Variants in FSTL4 observed in about 807,000 individuals in gnomAD.
FSTL4 encodes follistatin like 4.
Under a neutral mutation model 78.2 loss-of-function variants are expected in FSTL4, and 28 were observed. The ratio of observed to expected loss-of-function variants is 0.36; its 90% CI spans 0.27 to 0.49. The LOEUF is 0.49. Among genes scored for constraint, FSTL4 ranks in the 20% least tolerant of loss-of-function variants. The probability of loss-of-function intolerance (pLI) is 0.98; values close to 1 mark genes in which losing one functional copy is unlikely to be tolerated. For missense variants in FSTL4, 922 were observed against 1,084.9 expected, an observed-to-expected ratio of 0.85 and a Z score of 2.11; for synonymous variants, 422 against 440.5, an observed-to-expected ratio of 0.96 and a Z score of 0.53.
the FSTL4 span, among the ~76,000 whole-genome samples, chr5:133,777,258 G>C: frequency 3.9e-5 from 6 of 152,002 alleles, no homozygotes; most frequent in Non-Finnish European, 7.4e-5. Context: ...AGCATAGAAA[G>C]TTTTTATGAC....
At chr5:133,345,967 C>T (rs552786424) in intron 4 of FSTL4, among the ~76,000 whole-genome samples, 11 of 152,092 alleles carry the variant, frequency 7.2e-5, no homozygotes, top group African/African-American at 1.9e-4. Context: ...CCACTATTCA[C>T]GATAACAAAG....
the FSTL4 span, among the ~76,000 whole-genome samples, chr5:133,642,718 C>T: frequency 6.6e-6 from 1 of 152,106 alleles, no homozygotes; most frequent in East Asian, 1.9e-4. Flanking sequence ...CAGAGTTGTA[C>T]AATTATGCTC....
intron 4 of FSTL4, among the ~76,000 whole-genome samples, chr5:133,372,110 T>C (rs1755319705): frequency 6.6e-6 from 1 of 152,192 alleles, no homozygotes; most frequent in African/African-American, 2.4e-5. Context: ...ACACACCTCA[T>C]CAAACTTCCA....
At chr5:133,548,190 C>A (rs1759620841) in intron 3 of FSTL4, among the ~76,000 whole-genome samples, 1 of 152,160 alleles carries the variant, frequency 6.6e-6, no homozygotes, top group South Asian at 2.1e-4. Context: ...GTGAGTCACT[C>A]TATGAATTAT....
At chr5:133,638,476 C>T in the FSTL4 span, among the ~76,000 whole-genome samples, 2 of 152,192 alleles carry the variant, frequency 1.3e-5, no homozygotes, top group African/African-American at 4.8e-5. Flanking sequence ...CCCTCTGCTG[C>T]AGCTCCACTG....
At chr5:133,316,007 G>A (rs1753894311) in intron 5 of FSTL4, among the ~76,000 whole-genome samples, 1 of 152,240 alleles carries the variant, frequency 6.6e-6, no homozygotes, top group Admixed American at 6.5e-5. Context: ...GGTGGGGGTT[G>A]ACGGGTAGAC....
At chr5:133,260,610 G>T (rs1388102872) in intron 6 of FSTL4, among the ~76,000 whole-genome samples, 1 of 152,136 alleles carries the variant, frequency 6.6e-6, no homozygotes, top group African/African-American at 2.4e-5. Context: ...CGGCTCCCAG[G>T]GACCTCCGCC....
At chr5:133,410,183 GT>G (rs1176749951) in intron 3 of FSTL4, among the ~76,000 whole-genome samples, 1 of 152,170 alleles carries the variant, frequency 6.6e-6, no homozygotes, top group Non-Finnish European at 1.5e-5. Flanking sequence ...CCTTGGGAGA[GT>G]TTCTTTTACA....
intron 4 of FSTL4, among the ~76,000 whole-genome samples, chr5:133,352,406 A>G (rs550394115): frequency 1.3e-5 from 2 of 150,470 alleles, no homozygotes; most frequent in Admixed American, 1.3e-4. Flanking sequence ...ATATATACAC[A>G]TATATATATA....
chr5:133,822,818 A>G, the FSTL4 span, among the ~76,000 whole-genome samples: 1 of 152,210 alleles, frequency 6.6e-6, no homozygotes, highest in Non-Finnish European at 1.5e-5. Flanking sequence ...AACAAAGAGT[A>G]GAGAATTACC....
chr5:133,231,368 C>G (rs1009597726), intron 8 of FSTL4, among the ~76,000 whole-genome samples: 14 of 151,914 alleles, frequency 9.2e-5, no homozygotes, highest in Non-Finnish European at 1.5e-4. Flanking sequence ...CAGGGAGGGT[C>G]TACGTGGGTG....
chr5:133,529,052 G>C (rs1224423414), intron 3 of FSTL4, among the ~76,000 whole-genome samples: 1 of 152,154 alleles, frequency 6.6e-6, no homozygotes, highest in Non-Finnish European at 1.5e-5. Flanking sequence ...CTGATCCCCA[G>C]GGTAATCTTG....
At chr5:133,322,328 C>T (rs1561671782) in intron 4 of FSTL4, among the ~76,000 whole-genome samples, 1 of 145,840 alleles carries the variant, frequency 6.9e-6, no homozygotes, top group Admixed American at 6.8e-5. Context: ...CCCACACACA[C>T]CCACACGGGA....
intron 6 of FSTL4, among the ~76,000 whole-genome samples, chr5:133,280,493 G>A (rs1373371828): frequency 6.6e-6 from 1 of 152,122 alleles, no homozygotes; most frequent in Non-Finnish European, 1.5e-5. Flanking sequence ...TGCAGATGAG[G>A]CATAAAAGTC....
the FSTL4 span, among the ~76,000 whole-genome samples, chr5:133,737,602 CT>C: frequency 1.0e-2 from 1,176 of 117,620 alleles, 8 homozygotes; most frequent in African/African-American, 0.035. Context: ...GGCTGATTTC[CT>C]TTTTTTTTTT....
At chr5:133,630,156 G>A in the FSTL4 span, among the ~76,000 whole-genome samples, 15 of 152,278 alleles carry the variant, frequency 9.9e-5, no homozygotes, top group Non-Finnish European at 1.9e-4. Flanking sequence ...GGGCAATCAG[G>A]CAAGAGAAAG....
At chr5:133,470,751 T>G (rs1320280625) in intron 3 of FSTL4, among the ~76,000 whole-genome samples, 1 of 26,766 alleles carries the variant, frequency 3.7e-5, no homozygotes, top group African/African-American at 7.9e-5. Flanking sequence ...GCCTCAAAAA[T>G]AAAATAAAAT....
At chr5:133,727,066 T>A in the FSTL4 span, among the ~76,000 whole-genome samples, 1 of 152,166 alleles carries the variant, frequency 6.6e-6, no homozygotes, top group African/African-American at 2.4e-5. Context: ...CTCAACCATG[T>A]CTTCACATCA....
intron 6 of FSTL4, among the ~76,000 whole-genome samples, chr5:133,285,963 C>A (rs760602697): frequency 6.6e-6 from 1 of 152,246 alleles, no homozygotes; most frequent in African/African-American, 2.4e-5. Flanking sequence ...GGTGGCCCCA[C>A]CTGCCAGGGC....
Sources: gnomAD v4.1 joint callset for allele counts (sites outside exome capture counted in the v4.1 genomes callset) on GRCh38, gnomAD v4.1.1 for gene constraint, MANE v1.5 for transcripts, NCBI Gene and HGNC (gene_info 2026-07-23, HGNC 2026-07-21) for gene names.